KAT14: variants seen among roughly 807,000 people sequenced by gnomAD.
The protein encoded by KAT14 is lysine acetyltransferase 14, also known as cysteine-rich protein 2-binding protein.
Under a neutral mutation model 78.4 loss-of-function variants are expected in KAT14, and 66 were observed. The observed-to-expected ratio is 0.84, with a 90% CI of 0.69 to 1.03. The LOEUF is 1.03. Among genes scored for constraint, KAT14 ranks in the 50% least tolerant of loss-of-function variants. The pLI is 0.00. For synonymous variants in KAT14, 344 were observed against 359.4 expected (o/e 0.96, Z 0.48); for missense variants, 870 against 972.5 (o/e 0.89, Z 1.40).
chr20:18,166,660 G>C (rs1337831826), intron 7 of KAT14, among the ~76,000 whole-genome samples: 1 of 152,214 alleles, frequency 6.6e-6, no homozygotes, highest in East Asian at 1.9e-4. Flanking sequence ...AAACTCAGCA[G>C]GGGTGTTGGG....
chr20:18,162,492 C>T lies in KAT14; in HGVS notation c.1215C>T (p.Gly405=). ...PVVGVRKKVR[G]PEQIKQEVES... is the part of the protein sequence containing the mutation. ...TTGGGGTCAGAAAGAAGGTCAGAGG[C>T]CCTGAACAGATAAAGCAGGAGGTAG... The change falls in exon 7 of 11, where the codon GGC becomes GGT. Residue 405 remains glycine (G), a synonymous_variant. Transcript: ENST00000688188. 6.2e-7 allele frequency: 1 copy of T among 1,614,032 alleles called. No homozygotes were observed. The highest frequency in any genetic ancestry group is 8.5e-7 in the Non-Finnish European group (1 of 1,180,012).
At chr20:18,185,935 G>A (rs184376488) in intron 10 of KAT14, among the ~76,000 whole-genome samples, 75 of 152,300 alleles carry the variant, frequency 4.9e-4, no homozygotes, top group Middle Eastern at 3.4e-3. Context: ...GCTACTTTGG[G>A]TGGTGGTTTT....
intron 3 of KAT14, 149 bp from the exon 4 acceptor site, chr20:18,150,671 TG>T: frequency 3.1e-6 from 4 of 1,306,054 alleles, no homozygotes; most frequent in Non-Finnish European, 4.2e-6. Context: ...AATTCTACCC[TG>T]GGAATATTCC....
intron 1 of KAT14, among the ~76,000 whole-genome samples, chr20:18,141,037 TTTTTTTTTTA>T (rs1448234287): frequency 8.4e-4 from 19 of 22,624 alleles, no homozygotes; most frequent in Non-Finnish European, 1.4e-3. Context: ...TTTTTTTTTT[TTTTTTTTTTA>T]TTTTTATTTT....
chr20:18,145,973 A>T (rs960645118), intron 3 of KAT14, among the ~76,000 whole-genome samples: 2 of 152,168 alleles, frequency 1.3e-5, no homozygotes, highest in African/African-American at 4.8e-5. Flanking sequence ...TTGAAAATAG[A>T]TTTGGAAGAA....
chr20:18,160,436 T>C (rs1343069637), intron 5 of KAT14, among the ~76,000 whole-genome samples: 1 of 152,190 alleles, frequency 6.6e-6, no homozygotes, highest in Non-Finnish European at 1.5e-5. Context: ...TTTGCCACAC[T>C]TACCAGTATG....
At chr20:18,173,373 G>A (rs1047130168) in intron 7 of KAT14, among the ~76,000 whole-genome samples, 1 of 152,196 alleles carries the variant, frequency 6.6e-6, no homozygotes, top group African/African-American at 2.4e-5. Flanking sequence ...AAATTTGAGG[G>A]CAGTGGTTTG....
chr20:18,150,116 G>A (rs2037980244), intron 3 of KAT14, among the ~76,000 whole-genome samples: 1 of 152,166 alleles, frequency 6.6e-6, no homozygotes. Context: ...TAAAATAAGA[G>A]TAGATTAGAT....
At chr20:18,148,321 G>GTGACTCC (rs746776840) in intron 3 of KAT14, among the ~76,000 whole-genome samples, 115 of 152,236 alleles carry the variant, frequency 7.6e-4, no homozygotes, top group Middle Eastern at 6.8e-3. Context: ...CTCTTCCTTG[G>GTGACTCC]TGACTCCTGT....
Position 18,162,946 on chromosome 20 carries a change from G to C in KAT14, c.1668+1G>C. 6.2e-7 allele frequency: 1 copy of C among 1,613,230 alleles called. No homozygotes were observed. Among genetic ancestry groups the C allele is most frequent in the African/African-American group, 1.3e-5 (1 of 75,012 alleles). The stretch of plus-strand genomic sequence containing the variant: ...CTTCAGAATCCTTGACCGATACCAG[G>C]TGAATGCAAGCACTTGCTGTAAAGC... On this transcript the variant is annotated splice_donor_variant, in intron 7 of 10. Coordinates refer to ENST00000688188, the MANE Select transcript of KAT14 (RefSeq NM_001392073.1). LOFTEE classifies it high-confidence loss of function.
chr20:18,168,580 A>G (rs1163171216), intron 7 of KAT14, among the ~76,000 whole-genome samples: 1 of 151,880 alleles, frequency 6.6e-6, no homozygotes, highest in South Asian at 2.1e-4. Flanking sequence ...TCCTTGTTTT[A>G]TTCTCCCATC....
At chr20:18,146,927 A>C (rs531327250) in intron 3 of KAT14, among the ~76,000 whole-genome samples, 7 of 152,290 alleles carry the variant, frequency 4.6e-5, no homozygotes, top group Admixed American at 3.3e-4. Context: ...GTTATGAACC[A>C]GGTGCTGTTC....
Position 18,162,002 on chromosome 20 carries a change from A to T in KAT14, c.862A>T (p.Thr288Ser). 4.3e-6 allele frequency: 7 copies of T among 1,614,264 alleles called. No individual in the cohort carries two copies. The highest frequency in any genetic ancestry group is 5.9e-6 in the Non-Finnish European group (7 of 1,180,052). ...CTTTCTTGACAGGAGCACATCTTCT[A>T]CCCCTGTAAAATTCATAAGCCGAGG... Reference protein sequence around the residue: ...AGFLDRSTSSTPVKFISRGRR... With the variant: ...AGFLDRSTSSSPVKFISRGRR... Residue 288 changes from threonine (T) to serine (S), a missense_variant, in exon 6 of 11, where the codon ACC (threonine) becomes TCC (serine). Transcript: ENST00000688188.
intron 7 of KAT14, among the ~76,000 whole-genome samples, chr20:18,172,685 A>G (rs933468752): frequency 4.6e-5 from 7 of 152,178 alleles, no homozygotes; most frequent in African/African-American, 1.7e-4. Flanking sequence ...AGGTGTGCCT[A>G]TATTTTAAAT....
rs565397478 is a variant in KAT14 at position 18,138,506 on chromosome 20, T to C, written c.-454+455T>C. Reference sequence around the variant, plus strand: ...TACCAGCCTCCCTCCTGGCCCAAGGTTGGGGTTAAAGCCTAATGTGTTTTA... The same window carrying C: ...TACCAGCCTCCCTCCTGGCCCAAGGCTGGGGTTAAAGCCTAATGTGTTTTA... On this transcript the variant is annotated intron_variant, in intron 1 of 10. Coordinates refer to ENST00000688188, the MANE Select transcript of KAT14 (RefSeq NM_001392073.1). 17 of 972,708 alleles carry C rather than the reference T, an allele frequency of 1.7e-5. No homozygotes were observed. In the African/African-American group the frequency reaches 1.9e-4, roughly 11 times the overall value. The allele number at this position is 972,708 out of a possible 1,614,324, so 60.3% of individuals were successfully genotyped here. A position where few individuals can be genotyped will look rare whatever the true frequency, so the allele number is the denominator to read the frequency against.
chr20:18,184,857 A>G, intron 10 of KAT14, 65 bp downstream of exon 10: 1 of 1,507,804 alleles, frequency 6.6e-7, no homozygotes, highest in Non-Finnish European at 8.8e-7. Flanking sequence ...CTGGAGGAGG[A>G]ATGAAGCTGA....
rs1176683900 is a variant in KAT14 at position 18,162,150 on chromosome 20, G to A, written c.1010G>A (p.Gly337Asp). 6.2e-7 allele frequency: 1 copy of A among 1,614,174 alleles called. No individual in the cohort carries two copies. ...CCTTCTCTGGATTTCTCTGCCCCTG[G>A]TACACCTGCCTCTCATTCTGCCACA... is the stretch of plus-strand genomic sequence containing the variant. ...PSPSLDFSAP[G>D]TPASHSATPS... The change falls in exon 6 of 11, where the codon GGT (glycine) becomes GAT (aspartate). Residue 337 changes from glycine to aspartate, a missense_variant. Gly to Asp is a moderately conservative substitution (Grantham distance 94). Coordinates refer to ENST00000688188, the MANE Select transcript of KAT14 (RefSeq NM_001392073.1).
chr20:18,163,895 C>G (rs2038538664), intron 7 of KAT14, among the ~76,000 whole-genome samples: 1 of 152,060 alleles, frequency 6.6e-6, no homozygotes, highest in Non-Finnish European at 1.5e-5. Flanking sequence ...GATATTGGAC[C>G]CTGTAGATTA....
intron 2 of KAT14, among the ~76,000 whole-genome samples, chr20:18,144,933 A>C (rs1205846085): frequency 6.6e-6 from 1 of 152,188 alleles, no homozygotes; most frequent in Non-Finnish European, 1.5e-5. Flanking sequence ...GAATGTGTGA[A>C]GAGACCTGCC....
Sources: allele counts gnomAD v4.1 joint callset (sites outside exome capture counted in the v4.1 genomes callset), GRCh38; gene constraint gnomAD v4.1.1; transcripts MANE v1.5; gene names NCBI Gene and HGNC (gene_info 2026-07-23, HGNC 2026-07-21).